The following CNGA3 variants were observed in gnomAD, a reference collection of about 807,000 sequenced individuals.
CNGA3 encodes the protein cyclic nucleotide-gated channel alpha-3.
In CNGA3, 42 loss-of-function variants were observed where a neutral mutation model predicts 46.6. The ratio of observed to expected loss-of-function variants is 0.90; its 90% CI spans 0.70 to 1.17. CNGA3 has a LOEUF of 1.17. CNGA3 is among the 50% of genes most tolerant of loss of function. The pLI is 0.00. For synonymous variants in CNGA3, 394 were observed against 369.4 expected, an observed-to-expected ratio of 1.07 and a Z score of -0.76; for missense variants, 893 against 890.7, an observed-to-expected ratio of 1.00 and a Z score of -0.03.
intron 1 of CNGA3, among the ~76,000 whole-genome samples, chr2:98,349,374 A>G (rs1691724118): frequency 6.6e-6 from 1 of 152,232 alleles, no homozygotes; most frequent in African/African-American, 2.4e-5. Flanking sequence ...AGTCTTGACC[A>G]TCAGGCTAAG....
chr2:98,398,309 C>G lies in CNGA3; in HGVS notation c.*1054C>G, dbSNP rs1574393172. 6.6e-6 allele frequency: 1 copy of G among 152,164 alleles called. No individual in the cohort carries two copies. Among genetic ancestry groups the G allele is most frequent in the East Asian group, 1.9e-4 (1 of 5,196 alleles). 9.4% of individuals were successfully genotyped at this position (152,164 alleles called of 1,614,324 possible). A position where few individuals can be genotyped will look rare whatever the true frequency, so the allele number is the denominator to read the frequency against. On this transcript the variant is annotated 3_prime_UTR_variant, in exon 8 of 8. Transcript: ENST00000272602. ...AAACAAACCCCAGTAAATATAATTT[C>G]ATTAACATTTTATAACAGATTTATA...
intron 2 of CNGA3, among the ~76,000 whole-genome samples, chr2:98,374,119 A>G (rs1692352008): frequency 6.6e-6 from 1 of 152,198 alleles, no homozygotes; most frequent in Non-Finnish European, 1.5e-5. Flanking sequence ...CCCCAAAACT[A>G]TCTTGCTGGA....
chr2:98,384,786 A>C (rs1421505519), intron 5 of CNGA3, among the ~76,000 whole-genome samples: 3 of 152,148 alleles, frequency 2.0e-5, no homozygotes, highest in Admixed American at 6.5e-5. Context: ...GGGTGTGGGC[A>C]AGGATGTGGG....
intron 1 of CNGA3, chr2:98,355,720 T>C (rs1333221647): frequency 6.6e-6 from 1 of 152,234 alleles, no homozygotes; most frequent in Non-Finnish European, 1.5e-5. Flanking sequence ...ATACAATAAG[T>C]AAATGCTTTA....
chr2:98,383,542 C>A, intron 5 of CNGA3, 101 bp downstream of exon 5: 2 of 1,054,278 alleles, frequency 1.9e-6, no homozygotes, highest in Admixed American at 1.8e-5. Flanking sequence ...CTGCTCCCCA[C>A]TCCCAGAGCA....
At chr2:98,384,817 C>A (rs1430497195) in intron 5 of CNGA3, among the ~76,000 whole-genome samples, 1 of 152,122 alleles carries the variant, frequency 6.6e-6, no homozygotes, top group Non-Finnish European at 1.5e-5. Flanking sequence ...GGGCTGCACC[C>A]GGCTCTTCAA....
chr2:98,352,288 C>T (rs1691785085), intron 1 of CNGA3, among the ~76,000 whole-genome samples: 1 of 152,048 alleles, frequency 6.6e-6, no homozygotes, highest in South Asian at 2.1e-4. Context: ...GTGGATAGGC[C>T]CTAATAAATG....
intron 4 of CNGA3, among the ~76,000 whole-genome samples, chr2:98,382,072 C>T (rs543090680): frequency 6.6e-6 from 1 of 152,300 alleles, no homozygotes; most frequent in East Asian, 1.9e-4. Context: ...TGAGCTAGGA[C>T]CATATCCAGG....
At chr2:98,391,354 AGCAGGTGGGCG>A (rs1692783344) in intron 6 of CNGA3, among the ~76,000 whole-genome samples, 1 of 152,144 alleles carries the variant, frequency 6.6e-6, no homozygotes, top group African/African-American at 2.4e-5. Context: ...CTGAGCAAGC[AGCAGGTGGGCG>A]GCAGGGGCAG....
At chr2:98,367,185 C>CTTTTTTTTTTT (rs558997785) in intron 1 of CNGA3, among the ~76,000 whole-genome samples, 6 of 95,204 alleles carry the variant, frequency 6.3e-5, no homozygotes, top group Non-Finnish European at 8.2e-5. Flanking sequence ...TCTTTTTTTT[C>CTTTTTTTTTTT]TTTTTTTTTT....
chr2:98,372,820 C>A (rs1308557867), intron 2 of CNGA3, among the ~76,000 whole-genome samples: 1 of 152,116 alleles, frequency 6.6e-6, no homozygotes, highest in Admixed American at 6.5e-5. Context: ...TTCTCCTTGA[C>A]CTCAGATAGC....
At chr2:98,360,040 C>A (rs1691991373) in intron 1 of CNGA3, among the ~76,000 whole-genome samples, 1 of 152,166 alleles carries the variant, frequency 6.6e-6, no homozygotes. Flanking sequence ...AAAGCAGAGA[C>A]CCCTCCTGCC....
At chr2:98,394,844 T>A (rs1020642545) in intron 7 of CNGA3, among the ~76,000 whole-genome samples, 1 of 152,240 alleles carries the variant, frequency 6.6e-6, no homozygotes, top group Non-Finnish European at 1.5e-5. Flanking sequence ...TAATTTCACA[T>A]GCTTACTTTA....
chr2:98,378,111 G>C, intron 3 of CNGA3: 1 of 1,550,938 alleles, frequency 6.4e-7, no homozygotes, highest in Non-Finnish European at 8.7e-7. Context: ...AGAGCAGCCA[G>C]CCGTGGGAGA....
intron 5 of CNGA3, among the ~76,000 whole-genome samples, chr2:98,389,222 T>G (rs1341722835): frequency 6.6e-6 from 1 of 152,132 alleles, no homozygotes; most frequent in Non-Finnish European, 1.5e-5. Flanking sequence ...CTCAGAACTA[T>G]CCAGGCAATG....
intron 1 of CNGA3, among the ~76,000 whole-genome samples, chr2:98,349,483 A>T (rs1260974003): frequency 6.6e-6 from 1 of 152,210 alleles, no homozygotes; most frequent in African/African-American, 2.4e-5. Flanking sequence ...TGGGGTCACT[A>T]TGGAAGGTTC....
chr2:98,380,772 G>C (rs1186450669), intron 4 of CNGA3, among the ~76,000 whole-genome samples: 1 of 152,180 alleles, frequency 6.6e-6, no homozygotes, highest in East Asian at 1.9e-4. Flanking sequence ...GAGCCTTGGG[G>C]GGGTGTCTAA....
At chr2:98,371,053 G>A (rs1692274891) in intron 2 of CNGA3, among the ~76,000 whole-genome samples, 1 of 152,142 alleles carries the variant, frequency 6.6e-6, no homozygotes, top group Admixed American at 6.5e-5. Context: ...TCGAACTCCT[G>A]ACCTCAGGTG....
intron 4 of CNGA3, 92 bp from the exon 5 acceptor site, chr2:98,383,296 T>TG: frequency 8.4e-7 from 1 of 1,197,602 alleles, no homozygotes; most frequent in Non-Finnish European, 1.2e-6. Context: ...GGATAGGGAT[T>TG]GGGGGGTGGG....
Sources: allele counts gnomAD v4.1 joint callset (sites outside exome capture counted in the v4.1 genomes callset), GRCh38; gene constraint gnomAD v4.1.1; transcripts MANE v1.5; gene names NCBI Gene and HGNC (gene_info 2026-07-23, HGNC 2026-07-21).